TOPBP1: variants seen among roughly 807,000 people sequenced by gnomAD.
The protein encoded by TOPBP1 is DNA topoisomerase II binding protein 1, also known as DNA topoisomerase 2-binding protein 1.
In TOPBP1, 28 loss-of-function variants were observed where a neutral mutation model predicts 167.7. The ratio of observed to expected loss-of-function variants is 0.17; its 90% CI spans 0.12 to 0.23. The LOEUF is 0.23. Ranked by LOEUF, TOPBP1 falls within the 10% of genes least tolerant of loss-of-function variation. The probability of loss-of-function intolerance (pLI) is 1.00; values close to 1 mark genes in which losing one functional copy is unlikely to be tolerated. For synonymous variants in TOPBP1, 598 were observed against 611.4 expected, an observed-to-expected ratio of 0.98 and a Z score of 0.32; for missense variants, 1,554 against 1,809.6, an observed-to-expected ratio of 0.86 and a Z score of 2.56.
At chr3:133,641,767 G>A (rs1370251480) in intron 12 of TOPBP1, among the ~76,000 whole-genome samples, 1 of 152,178 alleles carries the variant, frequency 6.6e-6, no homozygotes, top group Non-Finnish European at 1.5e-5. Flanking sequence ...CTGTCATCAT[G>A]TATGTTATTA....
chr3:133,649,388 G>A lies in TOPBP1; in HGVS notation c.1499C>T (p.Thr500Ile), dbSNP rs1936200744. 2 of 1,612,638 alleles carry A rather than the reference G, an allele frequency of 1.2e-6. No individual in the cohort carries two copies. Among genetic ancestry groups the A allele is most frequent in the Non-Finnish European group, 1.7e-6 (2 of 1,179,702 alleles). Residue 500 changes from threonine (T) to isoleucine (I), a missense_variant, in exon 10 of 28, where the codon ACA becomes ATA. Thr to Ile is a moderately conservative substitution (Grantham distance 89). This residue lies in a region of TOPBP1 where 1,197 missense variants were observed against 1,351.5 expected (regional missense o/e 0.89). Transcript: ENST00000260810. ...ACTAATCAAGCATTTCTTACCTACT[G>A]TGGAGCTACCATTTTCATATTGAGA... ...LLSQYENGSS[T>I]VVEAKTSEAR...
intron 27 of TOPBP1, among the ~76,000 whole-genome samples, chr3:133,605,027 C>A (rs552612760): frequency 6.6e-6 from 1 of 151,658 alleles, no homozygotes; most frequent in Admixed American, 6.6e-5. Context: ...GGTGAAACCC[C>A]GTCTCTACCA....
intron 14 of TOPBP1, among the ~76,000 whole-genome samples, chr3:133,635,421 T>TA (rs200124686): frequency 2.0e-5 from 3 of 150,232 alleles, no homozygotes; most frequent in Non-Finnish European, 3.0e-5. Flanking sequence ...CCCAGCTAAT[T>TA]AAAAAAAAAA....
chr3:133,651,171 CTTTTTTTT>C (rs1176625452), intron 8 of TOPBP1, among the ~76,000 whole-genome samples: 3 of 82,118 alleles, frequency 3.7e-5, no homozygotes, highest in Non-Finnish European at 6.5e-5. Context: ...CCGAATTTCC[CTTTTTTTT>C]TTTTTTTTTT....
intron 16 of TOPBP1, among the ~76,000 whole-genome samples, chr3:133,627,605 A>C (rs973702078): frequency 5.9e-5 from 9 of 152,218 alleles, no homozygotes; most frequent in African/African-American, 2.2e-4. Flanking sequence ...AATAAGAGTT[A>C]CCAAAGGGGA....
Position 133,612,484 on chromosome 3 carries a change from G to T in TOPBP1, c.3940C>A (p.Arg1314=), listed in dbSNP as rs950965733. The change falls in exon 24 of 28, where the codon CGA becomes AGA. Residue 1314 remains arginine, a synonymous_variant. Transcript: ENST00000260810. Reference sequence around the variant, plus strand: ...ACTGAGGCTAAATACTTCTCGTTTCGAAGTGGATGTCCCACAACAATGTGT... The same window carrying T: ...ACTGAGGCTAAATACTTCTCGTTTCTAAGTGGATGTCCCACAACAATGTGT... ...CTHIVVGHPL[R]NEKYLASVAA... 6.2e-7 allele frequency: 1 copy of T among 1,613,902 alleles called. No homozygotes were observed. The highest frequency in any genetic ancestry group is 1.1e-5 in the South Asian group (1 of 91,078).
rs61747713 is a variant in TOPBP1, at chr3:133,659,040, G to A, written c.195C>T (p.Gly65=). 161 of 1,600,134 alleles carry A rather than the reference G, an allele frequency of 1.0e-4. No individual in the cohort carries two copies. The African/African-American group carries it at 1.1e-3, about 11-fold the overall frequency. Residue 65 remains glycine, a synonymous_variant, in exon 3 of 28, where the codon GGC becomes GGT. Coordinates refer to ENST00000260810, the MANE Select transcript of TOPBP1 (RefSeq NM_007027.4). The part of the protein sequence containing the change: ...RSLYICDPFS[G]VVFDHLKKLG... ...CCTTTTTGAGGTGATCAAAGACAAC[G>A]CCACTAAAAGGGTCACAGATATAAA...
chr3:133,602,270 C>T (rs145300739), intron 27 of TOPBP1, among the ~76,000 whole-genome samples: 2 of 152,264 alleles, frequency 1.3e-5, no homozygotes, highest in East Asian at 1.9e-4. Context: ...AAGAAAAAAA[C>T]CTGTCAATCT....
chr3:133,601,216 C>T lies in TOPBP1; in HGVS notation c.*34G>A, dbSNP rs1479765039. 1.3e-6 allele frequency: 2 copies of T among 1,561,936 alleles called. No individual in the cohort carries two copies. The highest frequency in any genetic ancestry group is 1.7e-6 in the Non-Finnish European group (2 of 1,159,890). On this transcript the variant is annotated 3_prime_UTR_variant, in exon 28 of 28. Transcript: ENST00000260810. Reference sequence around the variant, plus strand: ...CATTCAGGCTTTCAATTTTTAAAAACATTTAATGTTTGGTAACTAAAGGGT... The same window carrying T: ...CATTCAGGCTTTCAATTTTTAAAAATATTTAATGTTTGGTAACTAAAGGGT...
chr3:133,617,372 TAA>T (rs776790957), intron 21 of TOPBP1, 46 bp from the exon 22 acceptor site: 8 of 1,489,788 alleles, frequency 5.4e-6, no homozygotes, highest in Non-Finnish European at 7.1e-6. Flanking sequence ...CAAATAAGAC[TAA>T]AAACAAATTC....
At chr3:133,623,536 G>T in intron 17 of TOPBP1, 79 bp from the exon 18 acceptor site, 1 of 1,453,572 alleles carries the variant, frequency 6.9e-7, no homozygotes. Context: ...ATAAGGACAA[G>T]CAATACATTA....
intron 3 of TOPBP1, among the ~76,000 whole-genome samples, chr3:133,658,317 A>G (rs1242207533): frequency 6.6e-6 from 1 of 151,966 alleles, no homozygotes; most frequent in Non-Finnish European, 1.5e-5. Flanking sequence ...AAATACAAAA[A>G]TTAGTCGGGT....
chr3:133,602,895 T>G (rs1277015650), intron 27 of TOPBP1, among the ~76,000 whole-genome samples: 1 of 149,214 alleles, frequency 6.7e-6, no homozygotes, highest in Admixed American at 6.6e-5. Flanking sequence ...TTTTTTCATT[T>G]TTTTTTTTTT....
chr3:133,620,594 T>TTC (rs1935055499), intron 19 of TOPBP1, among the ~76,000 whole-genome samples: 1 of 148,356 alleles, frequency 6.7e-6, no homozygotes, highest in African/African-American at 2.5e-5. Context: ...TTTTTTTTTT[T>TTC]GGTGATAGTC....
Position 133,623,186 on chromosome 3 carries a change from G to C in TOPBP1, c.3083C>G (p.Pro1028Arg), listed in dbSNP as rs1189777230. 1 of 1,611,310 alleles carries C rather than the reference G, an allele frequency of 6.2e-7. No individual in the cohort carries two copies. Among genetic ancestry groups the C allele is most frequent in the Admixed American group, 1.7e-5 (1 of 59,586 alleles). Residue 1028 changes from proline (P) to arginine (R), a missense_variant, in exon 19 of 28, where the codon CCT becomes CGT. Coordinates refer to ENST00000260810, the MANE Select transcript of TOPBP1 (RefSeq NM_007027.4). ...TACATCATTTTCTTCTAAAATCAAA[G>C]GATCTGGCTATTGAAAAAGAAAAAT... Reference protein sequence around the residue: ...VSSTKDDEPDPLILEENDVDN... With the variant: ...VSSTKDDEPDRLILEENDVDN...
In TOPBP1 at chr3:133,656,727, G is replaced by C; in HGVS notation, c.494C>G (p.Pro165Arg). The part of the protein sequence containing the change: ...KYLVAANLKK[P>R]ILLPSWIKTL... ...TTTTATCCAAGAGGGAAGCAAAATA[G>C]GTTTCTTCAGGTTTGCAGCAACTAA... is the stretch of plus-strand genomic sequence containing the variant. The change falls in exon 5 of 28, where the codon CCT becomes CGT. Residue 165 changes from proline (P) to arginine (R), a missense_variant. By Grantham distance (103) the Pro-to-Arg change is moderately radical (BLOSUM62 -2). This residue lies in a region of TOPBP1 where 1,197 missense variants were observed against 1,351.5 expected (regional missense o/e 0.89). Transcript: ENST00000260810. 1 of 1,612,060 alleles carries C rather than the reference G, an allele frequency of 6.2e-7. No individual in the cohort carries two copies. The highest frequency in any genetic ancestry group is 8.5e-7 in the Non-Finnish European group (1 of 1,179,212).
chr3:133,653,589 A>C, intron 6 of TOPBP1, 65 bp from the exon 7 acceptor site: 1 of 1,326,712 alleles, frequency 7.5e-7, no homozygotes, highest in Non-Finnish European at 1.0e-6. Flanking sequence ...AACCATTACA[A>C]TCTATCTTTG....
intron 24 of TOPBP1, 132 bp from the exon 25 acceptor site, chr3:133,611,273 G>C (rs796287369): frequency 1.4e-6 from 1 of 693,922 alleles, no homozygotes; most frequent in Non-Finnish European, 2.1e-6. Flanking sequence ...AATACAGACA[G>C]TACTAAGTAA....
intron 23 of TOPBP1, 70 bp from the exon 24 acceptor site, chr3:133,612,622 C>G: frequency 7.2e-7 from 1 of 1,380,310 alleles, no homozygotes; most frequent in Non-Finnish European, 9.7e-7. Flanking sequence ...GTAATCTCAA[C>G]TACGCATAGA....
Sources: allele counts gnomAD v4.1 joint callset (sites outside exome capture counted in the v4.1 genomes callset), GRCh38; gene constraint gnomAD v4.1.1; regional missense constraint gnomAD v4.1.1; transcripts MANE v1.5; gene names NCBI Gene and HGNC (gene_info 2026-07-23, HGNC 2026-07-21).